Variants in AFAP1L2 observed in about 807,000 individuals in gnomAD.
AFAP1L2 encodes actin filament-associated protein 1-like 2.
In AFAP1L2, 46 loss-of-function variants were observed where a neutral mutation model predicts 99.3. That is an observed-to-expected ratio of 0.46 (90% confidence interval 0.37 to 0.59). AFAP1L2 has a LOEUF of 0.59. Among genes scored for constraint, AFAP1L2 ranks in the 20% least tolerant of loss-of-function variants. The probability of loss-of-function intolerance (pLI) is 0.00; values close to 1 mark genes in which losing one functional copy is unlikely to be tolerated. For synonymous variants in AFAP1L2, 397 were observed against 419.1 expected (o/e 0.95, Z 0.64); for missense variants, 959 against 1,034.9 (o/e 0.93, Z 1.01).
chr10:114,290,148 C>T (rs900933063), downstream of AFAP1L2: 2 of 1,491,074 alleles, frequency 1.3e-6, no homozygotes, highest in Non-Finnish European at 1.8e-6. Flanking sequence ...ACTCTAGTAG[C>T]CTTGCACCTC....
chr10:114,299,672 C>T (rs1030697540), intron 15 of AFAP1L2, among the ~76,000 whole-genome samples: 11 of 152,110 alleles, frequency 7.2e-5, no homozygotes, highest in African/African-American at 2.4e-4. Flanking sequence ...TGTCTGTGAG[C>T]GTGTTGCCAA....
In AFAP1L2 at chr10:114,297,256, G is replaced by A. The variant is rs150853765; in HGVS notation, c.2271C>T (p.Thr757=). The A allele has an allele frequency of 2.0e-4, 320 of 1,598,420 alleles. No homozygotes were observed. The African/African-American group carries it at 2.3e-3, about 11-fold the overall frequency. ...AEAGPVTLGT[T]VDTTHLENVS... ...CATTCTCCAGGTGGGTGGTGTCCAC[G>A]GTGGTGCCTAACGTCACAGGCCCTG... Residue 757 remains threonine, a synonymous_variant, in exon 17 of 19, where the codon ACC becomes ACT. Coordinates refer to ENST00000304129, the MANE Select transcript of AFAP1L2 (RefSeq NM_001001936.3).
chr10:114,381,870 T>TACAC (rs10667879), intron 1 of AFAP1L2, among the ~76,000 whole-genome samples: 38 of 150,394 alleles, frequency 2.5e-4, no homozygotes, highest in Middle Eastern at 3.5e-3. Context: ...GAAGAGAGTG[T>TACAC]ACACACACAC....
At chr10:114,380,324 G>T (rs1309789071) in intron 1 of AFAP1L2, among the ~76,000 whole-genome samples, 1 of 152,140 alleles carries the variant, frequency 6.6e-6, no homozygotes, top group Admixed American at 6.5e-5. Context: ...AGGCAATACT[G>T]CAGGTTTCTG....
intron 1 of AFAP1L2, among the ~76,000 whole-genome samples, chr10:114,374,778 C>T (rs993927400): frequency 1.4e-5 from 2 of 147,252 alleles, no homozygotes; most frequent in African/African-American, 5.0e-5. Flanking sequence ...GAAACTCTTT[C>T]CTAGACAGAT....
chr10:114,363,214 C>T, intron 1 of AFAP1L2: 1 of 978,196 alleles, frequency 1.0e-6, no homozygotes, highest in Non-Finnish European at 1.2e-6. Context: ...GTATGCTGGA[C>T]TTAGAAATTC....
intron 16 of AFAP1L2, among the ~76,000 whole-genome samples, chr10:114,297,781 C>T (rs560956376): frequency 0.029 from 4,413 of 152,272 alleles, 235 homozygotes; most frequent in African/African-American, 0.1. Flanking sequence ...ACCTGCCCTA[C>T]CAAGTTCCCT....
At position 114,387,481 on chromosome 10, in the gene AFAP1L2, ACC is replaced by A. The variant is rs1293763849; in HGVS notation, c.16+16957_16+16958del. 4.6e-5 allele frequency among the ~76,000 whole-genome samples: 7 copies of A among 152,326 alleles called. No individual in the cohort carries two copies. The East Asian group carries it at 1.3e-3, about 29-fold the overall frequency. On this transcript the variant is annotated intron_variant, in intron 1 of 18. Coordinates refer to ENST00000304129, the MANE Select transcript of AFAP1L2 (RefSeq NM_001001936.3). The stretch of plus-strand genomic sequence containing the variant: ...TAGGCATCAGAAATAAACATGGCAG[ACC>A]CATGGCACATACAGCCCAATGCCTT...
chr10:114,305,227 A>G (rs538539824), intron 10 of AFAP1L2: 89 of 107,038 alleles, frequency 8.3e-4, no homozygotes, highest in African/African-American at 3.0e-3. Flanking sequence ...GCATGCAGAT[A>G]AAGGAGGGGG....
Position 114,377,473 on chromosome 10 carries a change from G to A in AFAP1L2, c.16+26967C>T, listed in dbSNP as rs61533199. Among the ~76,000 whole-genome samples the A allele has an allele frequency of 0.066, 10,093 of 152,190 alleles. 913 individuals carry two copies. The highest frequency in any genetic ancestry group is 0.21 in the African/African-American group (8,703 of 41,480). Reference sequence around the variant, plus strand: ...GGGTGGTGGATGGGAGGACACAAACGTTTGTTGACTGATTGCTGTATCATA... The same window carrying A: ...GGGTGGTGGATGGGAGGACACAAACATTTGTTGACTGATTGCTGTATCATA... On this transcript the variant is annotated intron_variant, in intron 1 of 18. Coordinates refer to ENST00000304129, the MANE Select transcript of AFAP1L2 (RefSeq NM_001001936.3). This position sits in a 1 kb window ranked among gnomAD's most constrained non-coding sequence, Gnocchi z 4.0.
intron 1 of AFAP1L2, among the ~76,000 whole-genome samples, chr10:114,371,919 C>G (rs1023311198): frequency 6.6e-6 from 1 of 151,866 alleles, no homozygotes; most frequent in South Asian, 2.1e-4. Flanking sequence ...CTAAATAGGA[C>G]TCCAGTGTAT....
chr10:114,367,988 G>C (rs939665801), intron 1 of AFAP1L2, among the ~76,000 whole-genome samples: 1 of 152,208 alleles, frequency 6.6e-6, no homozygotes. Flanking sequence ...GAGTCACCAG[G>C]AGCGGGATTC....
intron 8 of AFAP1L2, among the ~76,000 whole-genome samples, chr10:114,309,950 T>C (rs1347384868): frequency 1.3e-5 from 2 of 152,174 alleles, no homozygotes; most frequent in Non-Finnish European, 2.9e-5. Flanking sequence ...TTTTTTGAGA[T>C]GGAGTCTCCC....
chr10:114,315,706 C>A lies in AFAP1L2; in HGVS notation c.466G>T (p.Gly156Cys). 1 of 1,613,662 alleles carries A rather than the reference C, an allele frequency of 6.2e-7. No homozygotes were observed. Among genetic ancestry groups the A allele is most frequent in the Non-Finnish European group, 8.5e-7 (1 of 1,179,970 alleles). ...ESYDEEDGSK[G>C]KSAPYQWPSP... ...GGCCACTGGTAAGGGGCCGACTTGC[C>A]CTTGCTGCCGTCCTCTTCATCGTAG... The change falls in exon 6 of 19, where the codon GGC becomes TGC. Residue 156 changes from glycine (G) to cysteine (C), a missense_variant. Gly to Cys is a radical substitution (Grantham distance 159, BLOSUM62 -3). Coordinates refer to ENST00000304129, the MANE Select transcript of AFAP1L2 (RefSeq NM_001001936.3).
rs1344164716 is a variant in AFAP1L2, at chr10:114,294,882, G to C, written c.*1160C>G. ...CTAACTAACTCACCACTTGGTAAAAGGTCACCAAATGTTTATGAGAGAGGA... is the reference window on the plus strand; with the variant it reads ...CTAACTAACTCACCACTTGGTAAAACGTCACCAAATGTTTATGAGAGAGGA... On this transcript the variant is annotated 3_prime_UTR_variant, in exon 19 of 19. Coordinates refer to ENST00000304129, the MANE Select transcript of AFAP1L2 (RefSeq NM_001001936.3). 1 of 982,528 alleles carries C rather than the reference G, an allele frequency of 1.0e-6. No individual in the cohort carries two copies. Among genetic ancestry groups the C allele is most frequent in the Admixed American group, 6.2e-5 (1 of 16,204 alleles). The allele number at this position is 982,528 out of a possible 1,614,324, so 60.9% of individuals were successfully genotyped here. A position where few individuals can be genotyped will look rare whatever the true frequency, so the allele number is the denominator to read the frequency against.
rs374607145 is a variant in AFAP1L2, at chr10:114,308,523, G to T, written c.883-6C>A. On this transcript the variant is annotated splice_polypyrimidine_tract_variant and splice_region_variant and intron_variant, in intron 8 of 18. Transcript: ENST00000304129. The stretch of plus-strand genomic sequence containing the variant: ...TACTTCTCAGCTATATCTGGCTATG[G>T]ACAAAAGCGACATGAATGGGGATCA... The T allele has an allele frequency of 1.4e-5, 23 of 1,613,156 alleles. No homozygotes were observed. Among genetic ancestry groups the T allele is most frequent in the Non-Finnish European group, 1.8e-5 (21 of 1,179,208 alleles).
chr10:114,381,398 A>G (rs1565047318), intron 1 of AFAP1L2, among the ~76,000 whole-genome samples: 2 of 152,206 alleles, frequency 1.3e-5, no homozygotes, highest in African/African-American at 4.8e-5. Flanking sequence ...GAGGATGTAA[A>G]GATGAAGGGG....
intron 1 of AFAP1L2, among the ~76,000 whole-genome samples, chr10:114,388,448 C>T (rs1382784750): frequency 1.3e-5 from 2 of 152,154 alleles, no homozygotes; most frequent in Non-Finnish European, 2.9e-5. Context: ...ACACCACCCC[C>T]CACCATCACC....
the AFAP1L2 span, chr10:114,280,952 GCTGGTCTT>G: frequency 1.3e-5 from 2 of 152,052 alleles, no homozygotes; most frequent in African/African-American, 4.8e-5. Context: ...TGTTGCCCGG[GCTGGTCTT>G]AAACTCCTGA....
Sources: allele counts gnomAD v4.1 joint callset (sites outside exome capture counted in the v4.1 genomes callset), GRCh38; gene constraint gnomAD v4.1.1; non-coding constraint Gnocchi (gnomAD v3.1); transcripts MANE v1.5; gene names NCBI Gene and HGNC (gene_info 2026-07-23, HGNC 2026-07-21).